Variants in KCNAB1 observed in about 807,000 individuals in gnomAD.
The protein encoded by KCNAB1 is potassium voltage-gated channel subfamily A regulatory beta subunit 1, also known as voltage-gated potassium channel subunit beta-1.
In KCNAB1, 35 loss-of-function variants were observed where a neutral mutation model predicts 64.6. The ratio of observed to expected loss-of-function variants is 0.54; its 90% CI spans 0.41 to 0.72. KCNAB1 has a LOEUF of 0.72. Ranked by LOEUF, KCNAB1 falls within the 30% of genes least tolerant of loss-of-function variation. The pLI is 0.00. For synonymous variants in KCNAB1, 177 were observed against 183.8 expected, an observed-to-expected ratio of 0.96 and a Z score of 0.30; for missense variants, 401 against 512.9, an observed-to-expected ratio of 0.78 and a Z score of 2.11.
chr3:156,347,868 AG>A (rs1426931895), intron 1 of KCNAB1, among the ~76,000 whole-genome samples: 1 of 152,206 alleles, frequency 6.6e-6, no homozygotes, highest in Non-Finnish European at 1.5e-5. Context: ...TGGATCTGGC[AG>A]GGCAAAATCA....
intron 5 of KCNAB1, among the ~76,000 whole-genome samples, chr3:156,463,151 T>C (rs1367954973): frequency 2.0e-5 from 3 of 152,198 alleles, no homozygotes; most frequent in East Asian, 1.9e-4. Flanking sequence ...ATGTAGTCAG[T>C]TCCTGCCTGT....
intron 1 of KCNAB1, chr3:156,273,514 A>G: frequency 2.2e-6 from 1 of 449,794 alleles, no homozygotes; most frequent in Non-Finnish European, 4.5e-6. Context: ...GTTCCAATAC[A>G]CAGTTTTACA....
At chr3:156,146,058 G>T (rs1715019269) in intron 1 of KCNAB1, among the ~76,000 whole-genome samples, 1 of 152,168 alleles carries the variant, frequency 6.6e-6, no homozygotes, top group Non-Finnish European at 1.5e-5. Flanking sequence ...CCCAATACCA[G>T]CTGCTTGGGT....
At position 156,474,794 on chromosome 3, in the gene KCNAB1, G is replaced by C; in HGVS notation, c.632G>C (p.Arg211Pro). 1 of 1,612,952 alleles carries C rather than the reference G, an allele frequency of 6.2e-7. No individual in the cohort carries two copies. Among genetic ancestry groups the C allele is most frequent in the East Asian group, 2.2e-5 (1 of 44,848 alleles). Residue 211 changes from arginine (R) to proline (P), a missense_variant, in exon 8 of 14, where the codon CGA becomes CCA. By Grantham distance (103) the Arg-to-Pro change is moderately radical. Transcript: ENST00000490337. ...TATGTGGATGTGGTCTTTGCAAATCGACCGGACAGTAACACTCCCATGGAA... is the reference window on the plus strand; with the variant it reads ...TATGTGGATGTGGTCTTTGCAAATCCACCGGACAGTAACACTCCCATGGAA... Reference protein sequence around the residue: ...LEYVDVVFANRPDSNTPMEEI... With the variant: ...LEYVDVVFANPPDSNTPMEEI...
At chr3:156,449,419 A>C (rs1689904043) in intron 2 of KCNAB1, among the ~76,000 whole-genome samples, 1 of 152,182 alleles carries the variant, frequency 6.6e-6, no homozygotes. Flanking sequence ...GGCTCTTCCT[A>C]ACATGGATGG....
chr3:156,282,518 C>T (rs1450568458), intron 1 of KCNAB1, among the ~76,000 whole-genome samples: 1 of 150,604 alleles, frequency 6.6e-6, no homozygotes, highest in South Asian at 2.2e-4. Flanking sequence ...TCCTGGGTAT[C>T]CTTGTTGACT....
chr3:156,227,488 G>A (rs958886531), intron 1 of KCNAB1, among the ~76,000 whole-genome samples: 1 of 152,180 alleles, frequency 6.6e-6, no homozygotes, highest in African/African-American at 2.4e-5. Context: ...ATGATAGTCT[G>A]AATCTAGTGT....
rs1471782308 is a variant in KCNAB1 at position 156,523,888 on chromosome 3, TAA to T, written c.1025_1026del (p.Lys342ArgfsTer25). On this transcript the variant is annotated frameshift_variant, in exon 12 of 14. Transcript: ENST00000490337. LOFTEE classifies it high-confidence loss of function. ...GAAGGGAGAAAACAGCAAAACAAGC[TAA>T]AAGACCTTTCCCCAATTGCGGAGCG... 1 of 1,614,044 alleles carries T rather than the reference TAA, an allele frequency of 6.2e-7. No homozygotes were observed. The highest frequency in any genetic ancestry group is 2.2e-5 in the East Asian group (1 of 44,880).
chr3:156,198,613 C>G (rs35385722), intron 1 of KCNAB1, among the ~76,000 whole-genome samples: 76,497 of 139,300 alleles, frequency 0.55, 22,028 homozygotes, highest in East Asian at 0.89. Flanking sequence ...ATTGCAAACC[C>G]TGCTTTTTTT....
intron 1 of KCNAB1, among the ~76,000 whole-genome samples, chr3:156,371,732 G>A (rs540868854): frequency 6.6e-6 from 1 of 152,056 alleles, no homozygotes; most frequent in South Asian, 2.1e-4. Context: ...CAGTTTTTCA[G>A]TATTTTGCAT....
Position 156,457,447 on chromosome 3 carries a change from T to C in KCNAB1, c.358-6T>C, listed in dbSNP as rs1712526678. Reference sequence around the variant, plus strand: ...TTTTCTGAGTGACCTTTCTCTCCCCTTGCAGGTTGCTGAACGGCTGATGAC... The same window carrying C: ...TTTTCTGAGTGACCTTTCTCTCCCCCTGCAGGTTGCTGAACGGCTGATGAC... On this transcript the variant is annotated splice_polypyrimidine_tract_variant and splice_region_variant and intron_variant, in intron 3 of 13. Transcript: ENST00000490337. 2 of 1,613,664 alleles carry C rather than the reference T, an allele frequency of 1.2e-6. No homozygotes were observed. The highest frequency in any genetic ancestry group is 3.3e-5 in the Admixed American group (2 of 59,992).
intron 1 of KCNAB1, among the ~76,000 whole-genome samples, chr3:156,177,126 G>A (rs1030736658): frequency 1.3e-4 from 20 of 152,088 alleles, no homozygotes; most frequent in African/African-American, 4.6e-4. Context: ...GACTTCTGTT[G>A]TTTCTCCAGG....
chr3:156,520,483 T>G (rs186673375), intron 11 of KCNAB1, among the ~76,000 whole-genome samples: 1 of 152,210 alleles, frequency 6.6e-6, no homozygotes, highest in Non-Finnish European at 1.5e-5. Context: ...GAGGCTGAGG[T>G]GGGAGGATCA....
At chr3:156,456,706 C>A (rs936988355) in intron 3 of KCNAB1, among the ~76,000 whole-genome samples, 1 of 152,186 alleles carries the variant, frequency 6.6e-6, no homozygotes, top group African/African-American at 2.4e-5. Context: ...GTAAGTCAAT[C>A]GGCAAAATGA....
At chr3:156,363,479 CT>C (rs57981797) in intron 1 of KCNAB1, among the ~76,000 whole-genome samples, 51,214 of 146,280 alleles carry the variant, frequency 0.35, 9,545 homozygotes, top group African/African-American at 0.53. Context: ...CTTTGGCAAT[CT>C]TTTTTTTTTT....
intron 1 of KCNAB1, among the ~76,000 whole-genome samples, chr3:156,389,741 G>A (rs999970123): frequency 3.2e-4 from 49 of 152,204 alleles, no homozygotes; most frequent in African/African-American, 1.1e-3. Context: ...TGGTGCTGTT[G>A]ATCTGAGTAC....
At chr3:156,277,914 C>T (rs539335834) in intron 1 of KCNAB1, among the ~76,000 whole-genome samples, 6 of 152,192 alleles carry the variant, frequency 3.9e-5, no homozygotes, top group African/African-American at 1.4e-4. Flanking sequence ...ATCTCTTGTC[C>T]TTTTGATGGA....
intron 1 of KCNAB1, among the ~76,000 whole-genome samples, chr3:156,191,680 C>G (rs1713573617): frequency 6.6e-6 from 1 of 152,176 alleles, no homozygotes; most frequent in African/African-American, 2.4e-5. Context: ...TTAAAAAATA[C>G]TTTCAAAAAA....
intron 1 of KCNAB1, among the ~76,000 whole-genome samples, chr3:156,178,531 C>G (rs1712548416): frequency 6.6e-6 from 1 of 152,046 alleles, no homozygotes; most frequent in Non-Finnish European, 1.5e-5. Context: ...GGGAGCAGAG[C>G]CCTTCTAGAG....
Sources: gnomAD v4.1 joint callset for allele counts (sites outside exome capture counted in the v4.1 genomes callset) on GRCh38, gnomAD v4.1.1 for gene constraint, MANE v1.5 for transcripts, NCBI Gene and HGNC (gene_info 2026-07-23, HGNC 2026-07-21) for gene names.